OIT3: variants seen among roughly 807,000 people sequenced by gnomAD.
The protein encoded by OIT3 is oncoprotein-induced transcript 3 protein.
A neutral mutation model predicts 52.2 loss-of-function variants in OIT3; 41 were observed. The ratio of observed to expected loss-of-function variants is 0.79; its 90% CI spans 0.61 to 1.02. The LOEUF is 1.02. Among genes scored for constraint, OIT3 ranks in the 50% least tolerant of loss-of-function variants. The pLI, the probability that OIT3 is intolerant of heterozygous loss-of-function variation, is 0.00. For synonymous variants in OIT3, 244 were observed against 276.9 expected (o/e 0.88, Z 1.18); for missense variants, 634 against 715.5 (o/e 0.89, Z 1.30).
chr10:72,899,531 G>A (rs530060423), intron 2 of OIT3, among the ~76,000 whole-genome samples: 5 of 151,378 alleles, frequency 3.3e-5, no homozygotes, highest in East Asian at 1.9e-4. Flanking sequence ...GGAGGTGGAC[G>A]TTGCGGTGAG....
chr10:72,905,622 T>C (rs1245481852), intron 3 of OIT3, among the ~76,000 whole-genome samples: 1 of 152,170 alleles, frequency 6.6e-6, no homozygotes, highest in Non-Finnish European at 1.5e-5. Flanking sequence ...TCCATCAATT[T>C]CTCAGCTTCA....
chr10:72,912,254 A>T (rs1476819636), intron 5 of OIT3, among the ~76,000 whole-genome samples: 2 of 151,130 alleles, frequency 1.3e-5, no homozygotes, highest in Non-Finnish European at 2.9e-5. Flanking sequence ...ATTTTCTGGA[A>T]ATCTAATTCT....
At chr10:72,901,460 C>G (rs568170070) in intron 3 of OIT3, among the ~76,000 whole-genome samples, 2 of 152,188 alleles carry the variant, frequency 1.3e-5, no homozygotes, top group South Asian at 2.1e-4. Flanking sequence ...TGTTATGAAG[C>G]TTTTTGGATT....
At position 72,932,888 on chromosome 10, in the gene OIT3, T is replaced by G. The variant is rs41280378; in HGVS notation, c.*364T>G. The G allele has an allele frequency of 0.05, 9,047 of 182,476 alleles. 447 individuals carry two copies. Among genetic ancestry groups the G allele is most frequent in the East Asian group, 0.26 (1,793 of 7,030 alleles). The allele number at this position is 182,476 out of a possible 1,614,324, so 11.3% of individuals were successfully genotyped here. A position where few individuals can be genotyped will look rare whatever the true frequency, so the allele number is the denominator to read the frequency against. Reference sequence around the variant, plus strand: ...TTTCAAGTTACAAACCCTAGAAAAATTAAACAGTTACTGAAATTATGACTT... The same window carrying G: ...TTTCAAGTTACAAACCCTAGAAAAAGTAAACAGTTACTGAAATTATGACTT... On this transcript the variant is annotated 3_prime_UTR_variant, in exon 9 of 9. Coordinates refer to ENST00000334011, the MANE Select transcript of OIT3 (RefSeq NM_152635.3).
chr10:72,919,644 G>A (rs781700302), intron 6 of OIT3, among the ~76,000 whole-genome samples: 20 of 152,050 alleles, frequency 1.3e-4, no homozygotes, highest in Non-Finnish European at 7.4e-5. Context: ...TTTATTGAGC[G>A]TTTTTAACAT....
intron 6 of OIT3, 118 bp downstream of exon 6, chr10:72,913,586 C>T (rs913744976): frequency 1.5e-5 from 13 of 853,636 alleles, no homozygotes; most frequent in Non-Finnish European, 2.4e-5. Context: ...CACAAAAGAA[C>T]TGAGCTCAAA....
intron 3 of OIT3, among the ~76,000 whole-genome samples, chr10:72,901,682 C>T (rs1845936174): frequency 6.6e-6 from 1 of 152,054 alleles, no homozygotes; most frequent in South Asian, 2.1e-4. Flanking sequence ...GGTGTGATCT[C>T]AGCTCATTGC....
Position 72,913,300 on chromosome 10 carries a change from C to G in OIT3, c.791-8C>G, listed in dbSNP as rs769895887. On this transcript the variant is annotated splice_region_variant and splice_polypyrimidine_tract_variant and intron_variant, in intron 5 of 8. Coordinates refer to ENST00000334011, the MANE Select transcript of OIT3 (RefSeq NM_152635.3). The stretch of plus-strand genomic sequence containing the variant: ...CCTGGCTCTAACAGTGGCCCTTTTT[C>G]TCTGCAGTCCCTGTGTTGTGCAAAT... 2 of 1,561,994 alleles carry G rather than the reference C, an allele frequency of 1.3e-6. No individual in the cohort carries two copies. The highest frequency in any genetic ancestry group is 2.3e-5 in the South Asian group (2 of 85,892).
chr10:72,913,952 ACAG>A (rs1440393994), intron 6 of OIT3, among the ~76,000 whole-genome samples: 2 of 152,252 alleles, frequency 1.3e-5, no homozygotes, highest in Non-Finnish European at 2.9e-5. Context: ...AGGAACTTGC[ACAG>A]CAGAATTGAG....
At chr10:72,898,236 A>G (rs980205612) in intron 1 of OIT3, among the ~76,000 whole-genome samples, 1 of 152,062 alleles carries the variant, frequency 6.6e-6, no homozygotes, top group Non-Finnish European at 1.5e-5. Context: ...GCAGTGAGCC[A>G]TGGTTGTACC....
intron 4 of OIT3, among the ~76,000 whole-genome samples, chr10:72,908,490 T>C (rs2132933450): frequency 6.6e-6 from 1 of 152,304 alleles, no homozygotes; most frequent in East Asian, 1.9e-4. Context: ...GTCCATATTT[T>C]ATTTCATGCA....
intron 4 of OIT3, among the ~76,000 whole-genome samples, chr10:72,908,152 A>G (rs1299794594): frequency 6.6e-6 from 1 of 152,206 alleles, no homozygotes; most frequent in African/African-American, 2.4e-5. Context: ...CTGAGGCACA[A>G]GAATCACTTG....
intron 4 of OIT3, among the ~76,000 whole-genome samples, chr10:72,910,308 A>C (rs1201562581): frequency 2.0e-5 from 3 of 152,168 alleles, no homozygotes; most frequent in Non-Finnish European, 2.9e-5. Flanking sequence ...TATTATATAT[A>C]ATCTTCAGCC....
chr10:72,898,530 T>A (rs1444934753), intron 1 of OIT3, 134 bp from the exon 2 acceptor site: 1 of 811,734 alleles, frequency 1.2e-6, no homozygotes, highest in Admixed American at 2.4e-5. Context: ...TAAACAGCTA[T>A]TTTTTGTGAC....
In OIT3 at chr10:72,913,453, T is replaced by C; in HGVS notation, c.936T>C (p.Cys312=). ...HVNILFSLKT[C]GTVVDVVNDK... is the part of the protein sequence containing the mutation. ...ACATCCTCTTCTCTCTCAAGACATG[T>C]GGTACAGTGGTCGATGTAGGTTCCT... The change falls in exon 6 of 9, where the codon TGT becomes TGC. Residue 312 remains cysteine (C), a synonymous_variant. Transcript: ENST00000334011. The C allele has an allele frequency of 6.2e-7, 1 of 1,607,416 alleles. No homozygotes were observed. The highest frequency in any genetic ancestry group is 8.5e-7 in the Non-Finnish European group (1 of 1,174,774).
In OIT3 at chr10:72,932,801, C is replaced by G. The variant is rs1256633422; in HGVS notation, c.*277C>G. 23 of 350,254 alleles carry G rather than the reference C, an allele frequency of 6.6e-5. 1 individual carries two copies. In the East Asian group the frequency reaches 1.1e-3, roughly 17 times the overall value. 21.7% of individuals were successfully genotyped at this position (350,254 alleles called of 1,614,324 possible). A position where few individuals can be genotyped will look rare whatever the true frequency, so the allele number is the denominator to read the frequency against. ...TCACCCCATTTCCCTCATTTCTTTC[C>G]TACACTTAAATACCTCGTGTATGGT... is the stretch of plus-strand genomic sequence containing the variant. On this transcript the variant is annotated 3_prime_UTR_variant, in exon 9 of 9. Transcript: ENST00000334011.
chr10:72,913,081 C>T lies in OIT3; in HGVS notation c.791-227C>T, dbSNP rs1000054734. 2.0e-5 allele frequency among the ~76,000 whole-genome samples: 3 copies of T among 152,304 alleles called. No individual in the cohort carries two copies. In the South Asian group the frequency reaches 6.2e-4, roughly 32 times the overall value. On this transcript the variant is annotated intron_variant, in intron 5 of 8. Coordinates refer to ENST00000334011, the MANE Select transcript of OIT3 (RefSeq NM_152635.3). ...AATGTTTGGTGAATTGAAAGTCGAACCTGGTATTTCCTAATTCAGGGAACC... is the reference window on the plus strand; with the variant it reads ...AATGTTTGGTGAATTGAAAGTCGAATCTGGTATTTCCTAATTCAGGGAACC...
intron 2 of OIT3, among the ~76,000 whole-genome samples, chr10:72,899,272 G>A (rs551557285): frequency 6.6e-5 from 10 of 152,134 alleles, no homozygotes; most frequent in Non-Finnish European, 1.2e-4. Flanking sequence ...TTTTAATTTT[G>A]TCTGAATTCC....
chr10:72,930,531 C>A lies in OIT3; in HGVS notation c.1368-7C>A. On this transcript the variant is annotated splice_polypyrimidine_tract_variant and splice_region_variant and intron_variant, in intron 7 of 8. Transcript: ENST00000334011. ...CAAGTCTTATGTGCTATCTGCCCTA[C>A]TTTCAGCTGTGTTTCAGATGACTCG... 1 of 1,599,624 alleles carries A rather than the reference C, an allele frequency of 6.3e-7. No individual in the cohort carries two copies. The highest frequency in any genetic ancestry group is 1.1e-5 in the South Asian group (1 of 90,646).
Sources: allele counts gnomAD v4.1 joint callset (sites outside exome capture counted in the v4.1 genomes callset), GRCh38; gene constraint gnomAD v4.1.1; transcripts MANE v1.5; gene names NCBI Gene and HGNC (gene_info 2026-07-23, HGNC 2026-07-21).